DGKI: variants seen among roughly 807,000 people sequenced by gnomAD.
DGKI encodes diacylglycerol kinase iota, also known as DAG kinase iota.
DGKI carries 55 observed loss-of-function variants against 147.5 expected under a neutral mutation model. The observed-to-expected ratio is 0.37, with a 90% CI of 0.30 to 0.47. The LOEUF (loss-of-function observed/expected upper bound fraction) is 0.47. DGKI is among the 20% of genes least tolerant of loss of function. The probability of loss-of-function intolerance (pLI) is 1.00; values close to 1 mark genes in which losing one functional copy is unlikely to be tolerated. For synonymous variants in DGKI, 469 were observed against 477.1 expected (o/e 0.98, Z 0.22); for missense variants, 1,007 against 1,323.8 (o/e 0.76, Z 3.71).
At chr7:137,806,723 G>A (rs60959469) in intron 1 of DGKI, among the ~76,000 whole-genome samples, 11,323 of 152,162 alleles carry the variant, frequency 0.074, 693 homozygotes, top group African/African-American at 0.16. Flanking sequence ...ATGAGCCACC[G>A]CACCCGGCCT....
chr7:137,684,046 A>G (rs754095326), intron 2 of DGKI, among the ~76,000 whole-genome samples: 6 of 152,256 alleles, frequency 3.9e-5, no homozygotes, highest in Non-Finnish European at 7.3e-5. Flanking sequence ...GCTTATAAAA[A>G]TGTTTTGAAA....
chr7:137,633,050 T>A (rs1400027074), intron 6 of DGKI, among the ~76,000 whole-genome samples: 2 of 150,948 alleles, frequency 1.3e-5, no homozygotes, highest in African/African-American at 4.9e-5. Flanking sequence ...CTGTCGCTAC[T>A]AAAAATACAA....
chr7:137,654,859 A>C, intron 4 of DGKI, 71 bp from the exon 5 acceptor site: 1 of 952,098 alleles, frequency 1.1e-6, no homozygotes, highest in Non-Finnish European at 1.6e-6. Context: ...CCTGAAAAAA[A>C]AAAAAACAGT....
At chr7:137,837,891 C>G (rs1798432365) in intron 1 of DGKI, among the ~76,000 whole-genome samples, 1 of 151,964 alleles carries the variant, frequency 6.6e-6, no homozygotes, top group East Asian at 1.9e-4. Context: ...TTGGCAGCTT[C>G]CTGTGTAACT....
intron 28 of DGKI, among the ~76,000 whole-genome samples, chr7:137,414,451 T>C (rs184954211): frequency 1.3e-5 from 2 of 151,652 alleles, no homozygotes; most frequent in Admixed American, 1.3e-4. Flanking sequence ...ACCAATTAAT[T>C]GTTGAACTGA....
At chr7:137,721,978 T>G (rs1295384569) in intron 1 of DGKI, 1 of 1,510,264 alleles carries the variant, frequency 6.6e-7, no homozygotes, top group African/African-American at 1.4e-5. Flanking sequence ...CTCTTTCCCA[T>G]CTTGCAAGAT....
intron 2 of DGKI, among the ~76,000 whole-genome samples, chr7:137,688,021 A>G (rs1407502092): frequency 2.6e-5 from 4 of 152,144 alleles, no homozygotes; most frequent in African/African-American, 9.7e-5. Context: ...TAGAGTACAT[A>G]CCTCTCTATA....
At chr7:137,654,520 C>T (rs556586790) in intron 5 of DGKI, among the ~76,000 whole-genome samples, 5 of 152,180 alleles carry the variant, frequency 3.3e-5, no homozygotes, top group Non-Finnish European at 7.3e-5. Context: ...CCTTAAACTC[C>T]CCAGTACATT....
chr7:137,529,784 C>T (rs975077572), intron 20 of DGKI, among the ~76,000 whole-genome samples: 3 of 152,102 alleles, frequency 2.0e-5, no homozygotes, highest in Admixed American at 6.5e-5. Context: ...TTGCTCTTGT[C>T]GCCCACCCAG....
intron 30 of DGKI, among the ~76,000 whole-genome samples, chr7:137,402,449 C>T (rs1158086734): frequency 6.6e-6 from 1 of 152,240 alleles, no homozygotes; most frequent in African/African-American, 2.4e-5. Context: ...AAGTGAACAT[C>T]GTGTTAAGCA....
At chr7:137,472,397 ATTATTAT>A (rs1815008647) in intron 23 of DGKI, among the ~76,000 whole-genome samples, 1 of 91,776 alleles carries the variant, frequency 1.1e-5, no homozygotes, top group Non-Finnish European at 1.9e-5. Flanking sequence ...ACATATTATA[ATTATTAT>A]ATGTATATAT....
At chr7:137,700,403 G>C (rs1433639715) in intron 1 of DGKI, among the ~76,000 whole-genome samples, 1 of 152,192 alleles carries the variant, frequency 6.6e-6, no homozygotes, top group African/African-American at 2.4e-5. Flanking sequence ...GCAGTGAACT[G>C]AAAGTAGTAT....
At chr7:137,445,788 A>C (rs746634872) in intron 27 of DGKI, among the ~76,000 whole-genome samples, 1 of 152,160 alleles carries the variant, frequency 6.6e-6, no homozygotes, top group African/African-American at 2.4e-5. Flanking sequence ...TGAAGCTCCA[A>C]TTGGTTATAA....
In DGKI at chr7:137,388,071, G is replaced by C. The variant is rs895272739; in HGVS notation, c.*3149C>G. ...AATTTCCATCACTGTGCATTTGCCA[G>C]CTAAATTATGTTTCAAAACTTGCAC... On this transcript the variant is annotated 3_prime_UTR_variant, in exon 33 of 33. Transcript: ENST00000614521. 6.6e-6 allele frequency: 1 copy of C among 152,132 alleles called. No individual in the cohort carries two copies. Among genetic ancestry groups the C allele is most frequent in the Non-Finnish European group, 1.5e-5 (1 of 68,018 alleles). 9.4% of individuals were successfully genotyped at this position (152,132 alleles called of 1,614,324 possible).
intron 20 of DGKI, among the ~76,000 whole-genome samples, chr7:137,540,346 G>C (rs1469323510): frequency 2.0e-5 from 3 of 152,024 alleles, no homozygotes; most frequent in Admixed American, 6.6e-5. Flanking sequence ...TCCTAGCCAG[G>C]ACAACAATGC....
At chr7:137,435,157 G>A (rs752718563) in intron 28 of DGKI, among the ~76,000 whole-genome samples, 5 of 152,192 alleles carry the variant, frequency 3.3e-5, no homozygotes, top group African/African-American at 4.8e-5. Context: ...GACTTGTATA[G>A]AGAGAATCAG....
chr7:137,472,376 T>TATGTATATATACATATAATTATTAC (rs1814999123), intron 23 of DGKI, among the ~76,000 whole-genome samples: 3 of 120,866 alleles, frequency 2.5e-5, no homozygotes, highest in Non-Finnish European at 4.8e-5. Context: ...ATAATTATTA[T>TATGTATATATACATATAATTATTAC]ATGTATATAT....
chr7:137,596,001 C>CA (rs71177914), intron 12 of DGKI, among the ~76,000 whole-genome samples: 841 of 44,420 alleles, frequency 0.019, 104 homozygotes, highest in Middle Eastern at 0.083. Context: ...GACTCCGTCT[C>CA]AAAAAAAAAA....
At chr7:137,559,220 C>T (rs1818333311) in intron 19 of DGKI, among the ~76,000 whole-genome samples, 5 of 149,726 alleles carry the variant, frequency 3.3e-5, no homozygotes, top group South Asian at 2.1e-4. Flanking sequence ...TACAGGCGCC[C>T]GCCACTACGC....
Sources: allele counts gnomAD v4.1 joint callset (sites outside exome capture counted in the v4.1 genomes callset), GRCh38; gene constraint gnomAD v4.1.1; transcripts MANE v1.5; gene names NCBI Gene and HGNC (gene_info 2026-07-23, HGNC 2026-07-21).